Variants in MTA3 observed in about 807,000 individuals in gnomAD.
MTA3 encodes metastasis-associated protein MTA3.
MTA3 carries 34 observed loss-of-function variants against 83.5 expected under a neutral mutation model. That is an observed-to-expected ratio of 0.41 (90% CI 0.31 to 0.54). The LOEUF is 0.54. MTA3 is among the 20% of genes least tolerant of loss of function. The pLI, the probability that MTA3 is intolerant of heterozygous loss-of-function variation, is 0.33. For synonymous variants in MTA3, 303 were observed against 252.7 expected, an observed-to-expected ratio of 1.20 and a Z score of -1.89; for missense variants, 761 against 726.4, an observed-to-expected ratio of 1.05 and a Z score of -0.55.
At chr2:42,687,788 T>C (rs899735618) in intron 9 of MTA3, among the ~76,000 whole-genome samples, 2 of 152,126 alleles carry the variant, frequency 1.3e-5, no homozygotes, top group South Asian at 2.1e-4. Context: ...AGCTCATATG[T>C]GTTCTCATTT....
intron 16 of MTA3, among the ~76,000 whole-genome samples, chr2:42,731,743 C>T (rs144122611): frequency 0.012 from 1,821 of 152,210 alleles, 33 homozygotes; most frequent in African/African-American, 0.042. Context: ...CCCAACAGTC[C>T]CCCAAAGTCT....
In MTA3 at chr2:42,601,408, T is replaced by C. The variant is rs547945297; in HGVS notation, c.191-8050T>C. Among the ~76,000 whole-genome samples the C allele has an allele frequency of 2.6e-5, 4 of 152,336 alleles. No individual in the cohort carries two copies. In the East Asian group the frequency reaches 7.7e-4, roughly 29 times the overall value. On this transcript the variant is annotated intron_variant, in intron 3 of 16. Transcript: ENST00000405094. Reference sequence around the variant, plus strand: ...AATACGCTATGAACTATTAAGTTTTTCCAGTGTGGCTGTTTGTAAATAAAT... The same window carrying C: ...AATACGCTATGAACTATTAAGTTTTCCCAGTGTGGCTGTTTGTAAATAAAT...
At position 42,647,082 on chromosome 2, in the gene MTA3, A is replaced by C. The variant is rs1274918490; in HGVS notation, c.499+2838A>C. 8.5e-5 allele frequency among the ~76,000 whole-genome samples: 12 copies of C among 141,920 alleles called. No homozygotes were observed. In the East Asian group the frequency reaches 1.8e-3, roughly 21 times the overall value. The allele number at this position is 141,920 out of a possible 152,430, so 93.1% of individuals were successfully genotyped here. ...GAGGCAGGAGAATGGCGTGGAACCC[A>C]GGAGGCGGAGGTTGCAGTGAGCCGA... On this transcript the variant is annotated intron_variant, in intron 6 of 16. Transcript: ENST00000405094.
At chr2:42,599,105 C>T (rs1682219633) in intron 3 of MTA3, among the ~76,000 whole-genome samples, 1 of 152,098 alleles carries the variant, frequency 6.6e-6, no homozygotes, top group South Asian at 2.1e-4. Flanking sequence ...GGCTAATGTC[C>T]CATATCCTTT....
At chr2:42,641,753 C>G (rs1048678559) in intron 5 of MTA3, among the ~76,000 whole-genome samples, 3 of 152,044 alleles carry the variant, frequency 2.0e-5, no homozygotes, top group African/African-American at 4.8e-5. Context: ...GTAATCCCAG[C>G]TACTTGGGAG....
chr2:42,711,646 G>A (rs1046578393), intron 14 of MTA3, among the ~76,000 whole-genome samples: 1 of 152,022 alleles, frequency 6.6e-6, no homozygotes, highest in African/African-American at 2.4e-5. Flanking sequence ...CATCTCTTCT[G>A]TTCTTATACT....
chr2:42,527,449 C>T (rs1431364711), intron 2 of MTA3, among the ~76,000 whole-genome samples: 1 of 152,120 alleles, frequency 6.6e-6, no homozygotes, highest in East Asian at 1.9e-4. Flanking sequence ...CACTGCAATA[C>T]TCTTTTTTCC....
At position 42,538,266 on chromosome 2, in the gene MTA3, A is replaced by C. The variant is rs145237837; in HGVS notation, c.-140-32171A>C. Among the ~76,000 whole-genome samples, 257 of 152,152 alleles carry C rather than the reference A, an allele frequency of 1.7e-3. 3 individuals carry two copies. The highest frequency in any genetic ancestry group is 5.4e-3 in the African/African-American group (223 of 41,534). On this transcript the variant is annotated intron_variant, in intron 2 of 17. Coordinates refer to the MTA3 transcript ENST00000405592. ...AATAAATAAAATAATTTTGACAATA[A>C]TAAATGTGTAGATATCAATAAATGG...
chr2:42,543,427 C>T (rs971055850), intron 2 of MTA3, among the ~76,000 whole-genome samples: 51 of 152,078 alleles, frequency 3.4e-4, no homozygotes, highest in Admixed American at 1.1e-3. Context: ...CCACCTACCT[C>T]GGCCTCCCAA....
chr2:42,611,844 AATAG>A (rs760851101), intron 4 of MTA3, among the ~76,000 whole-genome samples: 6 of 152,238 alleles, frequency 3.9e-5, no homozygotes, highest in South Asian at 2.1e-4. Context: ...GAGATAGATA[AATAG>A]ATAGATAGAG....
intron 3 of MTA3, among the ~76,000 whole-genome samples, chr2:42,606,155 G>A (rs1388186358): frequency 3.7e-5 from 4 of 109,536 alleles, no homozygotes; most frequent in Non-Finnish European, 3.7e-5. Context: ...GGGCAGAGGC[G>A]CCCCTCACCT....
intron 4 of MTA3, among the ~76,000 whole-genome samples, chr2:42,629,887 T>C (rs1312200078): frequency 6.6e-6 from 1 of 152,082 alleles, no homozygotes; most frequent in East Asian, 1.9e-4. Context: ...CAAGCAATTC[T>C]TGTGCCTCAG....
chr2:42,707,581 C>T (rs1666215991), intron 12 of MTA3, among the ~76,000 whole-genome samples: 1 of 152,088 alleles, frequency 6.6e-6, no homozygotes, highest in Non-Finnish European at 1.5e-5. Flanking sequence ...TTTTTGAGAA[C>T]CTATTTCCAG....
chr2:42,699,359 A>C (rs1014268577), intron 11 of MTA3, among the ~76,000 whole-genome samples: 1 of 152,064 alleles, frequency 6.6e-6, no homozygotes. Flanking sequence ...GCACCACCAC[A>C]CCCGACTAAT....
At chr2:42,641,813 C>G (rs182437277) in intron 5 of MTA3, among the ~76,000 whole-genome samples, 1,640 of 151,910 alleles carry the variant, frequency 0.011, 28 homozygotes, top group African/African-American at 0.038. Flanking sequence ...TTGCAGTGAG[C>G]CGAGATCGCG....
intron 2 of MTA3, among the ~76,000 whole-genome samples, chr2:42,495,864 G>A (rs1192766944): frequency 6.6e-6 from 1 of 152,096 alleles, no homozygotes; most frequent in Non-Finnish European, 1.5e-5. Flanking sequence ...GATGAAGAAG[G>A]GTCTGTTCTG....
chr2:42,718,855 A>G, intron 14 of MTA3, 133 bp from the exon 15 acceptor site: 1 of 667,906 alleles, frequency 1.5e-6, no homozygotes, highest in Non-Finnish European at 2.5e-6. Context: ...TCTCAAACCC[A>G]AAAGGAAATT....
intron 7 of MTA3, among the ~76,000 whole-genome samples, chr2:42,658,546 A>T (rs534302769): frequency 6.6e-6 from 1 of 152,162 alleles, no homozygotes; most frequent in Non-Finnish European, 1.5e-5. Flanking sequence ...TAATCAAAAG[A>T]AGCTGGACGT....
Position 42,755,569 on chromosome 2 carries a change from C to G in MTA3, c.*2170C>G. 1.0e-6 allele frequency: 1 copy of G among 985,526 alleles called. No homozygotes were observed. The highest frequency in any genetic ancestry group is 1.2e-6 in the Non-Finnish European group (1 of 829,980). 61.0% of individuals were successfully genotyped at this position (985,526 alleles called of 1,614,324 possible). A position where few individuals can be genotyped will look rare whatever the true frequency, so the allele number is the denominator to read the frequency against. ...AGTCATCCTAGGAGGGTGATGTTGA[C>G]TGAGACTTCACGCTCTCCCTTTGTC... is the stretch of plus-strand genomic sequence containing the variant. On this transcript the variant is annotated 3_prime_UTR_variant, in exon 17 of 17. Transcript: ENST00000405094.
Sources: gnomAD v4.1 joint callset for allele counts (sites outside exome capture counted in the v4.1 genomes callset) on GRCh38, gnomAD v4.1.1 for gene constraint, MANE v1.5 for transcripts, NCBI Gene and HGNC (gene_info 2026-07-23, HGNC 2026-07-21) for gene names.